The following MYRIP variants were observed in gnomAD, a reference collection of about 807,000 sequenced individuals.
MYRIP encodes myosin VIIA and Rab interacting protein.
A neutral mutation model predicts 98.0 loss-of-function variants in MYRIP; 49 were observed. That is an observed-to-expected ratio of 0.50 (90% confidence interval 0.40 to 0.63). The LOEUF (loss-of-function observed/expected upper bound fraction) is 0.63. Among genes scored for constraint, MYRIP ranks in the 30% least tolerant of loss-of-function variants. The pLI is 0.00. For synonymous variants in MYRIP, 404 were observed against 409.5 expected (o/e 0.99, Z 0.16); for missense variants, 1,004 against 1,058.2 (o/e 0.95, Z 0.71).
intron 2 of MYRIP, among the ~76,000 whole-genome samples, chr3:39,927,960 A>T (rs1944455108): frequency 6.6e-6 from 1 of 152,092 alleles, no homozygotes; most frequent in Admixed American, 6.6e-5. Context: ...ATAGACGTAG[A>T]GAAAGCATTT....
At chr3:39,965,168 T>C (rs1945411565) in intron 2 of MYRIP, among the ~76,000 whole-genome samples, 1 of 152,084 alleles carries the variant, frequency 6.6e-6, no homozygotes, top group African/African-American at 2.4e-5. Flanking sequence ...TGTTACATAT[T>C]AAACTGATTA....
At chr3:40,239,284 C>T (rs935823505) in intron 12 of MYRIP, among the ~76,000 whole-genome samples, 2 of 150,980 alleles carry the variant, frequency 1.3e-5, no homozygotes, top group African/African-American at 2.5e-5. Context: ...ATATGTGCCA[C>T]ATTTTCTTAA....
At chr3:39,879,182 T>C (rs1019648629) in intron 1 of MYRIP, among the ~76,000 whole-genome samples, 1 of 151,808 alleles carries the variant, frequency 6.6e-6, no homozygotes, top group South Asian at 2.1e-4. Flanking sequence ...GTTTTAAATA[T>C]GAAGAACATA....
intron 3 of MYRIP, chr3:40,071,172 T>G (rs1291680745): frequency 2.0e-6 from 2 of 985,364 alleles, no homozygotes; most frequent in Non-Finnish European, 2.4e-6. Flanking sequence ...CTGACCTGAC[T>G]TGTTCCCTAC....
chr3:40,057,952 G>A lies in MYRIP; in HGVS notation c.332+13681G>A, dbSNP rs11712879. ...CAAAAGATTATTGTAGAGGAAAAGAGGGATACAGCACAAAAATCACTTAGC... is the reference window on the plus strand; with the variant it reads ...CAAAAGATTATTGTAGAGGAAAAGAAGGATACAGCACAAAAATCACTTAGC... On this transcript the variant is annotated intron_variant, in intron 3 of 16. Coordinates refer to ENST00000302541, the MANE Select transcript of MYRIP (RefSeq NM_015460.4). 5.5e-3 allele frequency among the ~76,000 whole-genome samples: 844 copies of A among 152,246 alleles called. 8 individuals carry two copies. The highest frequency in any genetic ancestry group is 0.011 in the Admixed American group (175 of 15,278).
chr3:39,997,801 C>T (rs576956638), intron 2 of MYRIP, among the ~76,000 whole-genome samples: 6 of 152,150 alleles, frequency 3.9e-5, no homozygotes, highest in Admixed American at 1.3e-4. Flanking sequence ...TACTGGCAAA[C>T]GAAATCCAGC....
chr3:40,188,500 G>C (rs1951098605), intron 9 of MYRIP, among the ~76,000 whole-genome samples: 1 of 149,692 alleles, frequency 6.7e-6, no homozygotes, highest in South Asian at 2.1e-4. Flanking sequence ...AAAAAAGACT[G>C]GGTGCTGTGG....
At chr3:40,232,095 T>C (rs1323070416) in intron 11 of MYRIP, among the ~76,000 whole-genome samples, 1 of 152,236 alleles carries the variant, frequency 6.6e-6, no homozygotes, top group Non-Finnish European at 1.5e-5. Flanking sequence ...ATTGCCCTTA[T>C]TCTAGTGGGT....
intron 1 of MYRIP, among the ~76,000 whole-genome samples, chr3:39,828,501 G>A (rs1019625870): frequency 7.2e-5 from 11 of 151,752 alleles, no homozygotes; most frequent in African/African-American, 2.7e-4. Context: ...TTTTCCATAA[G>A]TTATTGGGGT....
intron 11 of MYRIP, among the ~76,000 whole-genome samples, chr3:40,229,373 C>T (rs1010427042): frequency 7.2e-5 from 11 of 151,900 alleles, no homozygotes; most frequent in African/African-American, 2.2e-4. Context: ...AGGAAAAAAA[C>T]GATAGAGTTG....
At chr3:40,234,625 C>T (rs1046279814) in intron 12 of MYRIP, among the ~76,000 whole-genome samples, 12 of 152,292 alleles carry the variant, frequency 7.9e-5, no homozygotes, top group African/African-American at 2.9e-4. Flanking sequence ...GCCAGTGCCA[C>T]TACAGGGAAT....
At chr3:39,995,874 C>T (rs1946338293) in intron 2 of MYRIP, among the ~76,000 whole-genome samples, 1 of 152,102 alleles carries the variant, frequency 6.6e-6, no homozygotes, top group Non-Finnish European at 1.5e-5. Flanking sequence ...AGAGTGGGGG[C>T]CAATATTCAA....
intron 1 of MYRIP, among the ~76,000 whole-genome samples, chr3:39,828,803 G>A (rs959797048): frequency 1.3e-5 from 2 of 152,124 alleles, no homozygotes. Context: ...TGCAAATGCT[G>A]TTAATTCATT....
intron 3 of MYRIP, among the ~76,000 whole-genome samples, chr3:40,077,717 A>G (rs1948380023): frequency 6.6e-6 from 1 of 152,266 alleles, no homozygotes; most frequent in African/African-American, 2.4e-5. Context: ...AGCTAGATAC[A>G]GAGTGTGGAT....
At chr3:39,880,758 C>A (rs1039284053) in intron 1 of MYRIP, among the ~76,000 whole-genome samples, 7 of 152,088 alleles carry the variant, frequency 4.6e-5, no homozygotes, top group African/African-American at 1.7e-4. Context: ...TAAATGGTAG[C>A]ACATTTTGTT....
intron 11 of MYRIP, among the ~76,000 whole-genome samples, chr3:40,213,736 A>G (rs1466519937): frequency 6.6e-6 from 1 of 152,118 alleles, no homozygotes; most frequent in African/African-American, 2.4e-5. Context: ...CACTAGCCCA[A>G]AGTCCAACTA....
intron 1 of MYRIP, among the ~76,000 whole-genome samples, chr3:39,810,915 G>C (rs1384021258): frequency 2.0e-5 from 3 of 152,204 alleles, no homozygotes; most frequent in Non-Finnish European, 4.4e-5. Context: ...AATGCCTTGA[G>C]TCTGGCTTCA....
At chr3:40,045,932 A>C (rs985672421) in intron 3 of MYRIP, among the ~76,000 whole-genome samples, 1 of 152,218 alleles carries the variant, frequency 6.6e-6, no homozygotes, top group Non-Finnish European at 1.5e-5. Context: ...GGTAAAGTCA[A>C]AGAACTGTCA....
At chr3:40,182,190 C>T (rs1950898312) in intron 8 of MYRIP, 30 bp from the exon 9 acceptor site, 1 of 1,579,056 alleles carries the variant, frequency 6.3e-7, no homozygotes, top group East Asian at 2.3e-5. Context: ...ACCTTATGAG[C>T]TCACCCCTTC....
Sources: gnomAD v4.1 joint callset for allele counts (sites outside exome capture counted in the v4.1 genomes callset) on GRCh38, gnomAD v4.1.1 for gene constraint, MANE v1.5 for transcripts, NCBI Gene and HGNC (gene_info 2026-07-23, HGNC 2026-07-21) for gene names.